FER: variants seen among roughly 807,000 people sequenced by gnomAD.
FER encodes the protein tyrosine-protein kinase Fer.
FER carries 63 observed loss-of-function variants against 111.0 expected under a neutral mutation model. That is an observed-to-expected ratio of 0.57 (90% CI 0.46 to 0.70). The LOEUF (loss-of-function observed/expected upper bound fraction) is 0.70. FER is among the 30% of genes least tolerant of loss of function. The pLI is 0.00. For synonymous variants in FER, 327 were observed against 313.9 expected, an observed-to-expected ratio of 1.04 and a Z score of -0.44; for missense variants, 914 against 954.0, an observed-to-expected ratio of 0.96 and a Z score of 0.55.
chr5:109,069,644 A>T (rs1275618860), intron 16 of FER, among the ~76,000 whole-genome samples: 1 of 152,142 alleles, frequency 6.6e-6, no homozygotes, highest in African/African-American at 2.4e-5. Context: ...CCAAGTGAGG[A>T]TAGGTTCTGG....
chr5:108,748,797 G>A (rs1244088068), intron 1 of FER, among the ~76,000 whole-genome samples: 2 of 152,248 alleles, frequency 1.3e-5, no homozygotes, highest in Non-Finnish European at 2.9e-5. Context: ...TGGAGGAGGG[G>A]GCTGAGGGCC....
intron 13 of FER, among the ~76,000 whole-genome samples, chr5:109,025,434 T>C (rs1055975108): frequency 6.6e-6 from 1 of 152,144 alleles, no homozygotes; most frequent in Non-Finnish European, 1.5e-5. Context: ...CTGTTGTTGG[T>C]GTATAAGAAT....
intron 10 of FER, among the ~76,000 whole-genome samples, chr5:108,904,445 T>C (rs1319863118): frequency 2.0e-5 from 3 of 151,932 alleles, no homozygotes; most frequent in African/African-American, 7.3e-5. Flanking sequence ...GAAGAGCAGA[T>C]GAAAGGAGGA....
chr5:108,793,114 T>G (rs941322124), intron 2 of FER, among the ~76,000 whole-genome samples: 2 of 152,216 alleles, frequency 1.3e-5, no homozygotes, highest in Non-Finnish European at 2.9e-5. Context: ...TAGGTCTTAT[T>G]CTGTATATAT....
intron 16 of FER, chr5:109,051,486 G>T (rs1486161108): frequency 6.2e-7 from 1 of 1,612,610 alleles, no homozygotes; most frequent in Non-Finnish European, 8.5e-7. Context: ...TAGAGATGGT[G>T]CTTCCCGCCT....
chr5:109,028,097 G>A (rs1356880008), intron 13 of FER, among the ~76,000 whole-genome samples: 3 of 152,066 alleles, frequency 2.0e-5, no homozygotes, highest in Non-Finnish European at 4.4e-5. Flanking sequence ...TATAGAGACC[G>A]AAGTTGAGTC....
At chr5:109,035,818 G>C (rs949381362) in intron 13 of FER, among the ~76,000 whole-genome samples, 1 of 152,164 alleles carries the variant, frequency 6.6e-6, no homozygotes, top group African/African-American at 2.4e-5. Context: ...ACAATCTCTT[G>C]ATTTGTTAAT....
chr5:108,900,279 A>C (rs55790655), intron 10 of FER, among the ~76,000 whole-genome samples: 3,371 of 152,328 alleles, frequency 0.022, 117 homozygotes, highest in African/African-American at 0.078. Context: ...AAAACTTAAG[A>C]ATACATCTAC....
chr5:108,959,387 G>T (rs1192378364), intron 13 of FER, 40 bp downstream of exon 13: 5 of 1,540,296 alleles, frequency 3.2e-6, no homozygotes, highest in Admixed American at 4.0e-5. Flanking sequence ...TGTTTTAAAA[G>T]AATTTTTGGT....
chr5:108,802,981 C>G (rs1012652359), intron 3 of FER, among the ~76,000 whole-genome samples: 1 of 152,094 alleles, frequency 6.6e-6, no homozygotes, highest in Non-Finnish European at 1.5e-5. Flanking sequence ...GTGTTCCCGT[C>G]TCTCCACAAC....
At chr5:109,138,170 C>G (rs1346391735) in intron 17 of FER, among the ~76,000 whole-genome samples, 2 of 152,174 alleles carry the variant, frequency 1.3e-5, no homozygotes, top group Non-Finnish European at 2.9e-5. Flanking sequence ...GAATTACTCT[C>G]TCCATTCAGC....
intron 13 of FER, among the ~76,000 whole-genome samples, chr5:109,035,447 G>A (rs930944427): frequency 2.0e-5 from 3 of 152,186 alleles, no homozygotes; most frequent in Non-Finnish European, 4.4e-5. Context: ...ATTTGCAAGT[G>A]CTCTGTTGTA....
At chr5:109,177,832 T>A (rs1278722906) in intron 17 of FER, among the ~76,000 whole-genome samples, 1 of 152,224 alleles carries the variant, frequency 6.6e-6, no homozygotes, top group Non-Finnish European at 1.5e-5. Context: ...GATATAGCTG[T>A]CTCTGATACC....
intron 17 of FER, among the ~76,000 whole-genome samples, chr5:109,159,046 T>C (rs986892658): frequency 6.6e-6 from 1 of 152,138 alleles, no homozygotes; most frequent in Non-Finnish European, 1.5e-5. Flanking sequence ...TTTAATCACA[T>C]TTTTTAAAAA....
chr5:108,977,709 A>G (rs1019361769), intron 13 of FER, among the ~76,000 whole-genome samples: 5 of 152,178 alleles, frequency 3.3e-5, no homozygotes, highest in Non-Finnish European at 2.9e-5. Flanking sequence ...TTCACATTTA[A>G]TAAGTCATGA....
intron 5 of FER, among the ~76,000 whole-genome samples, chr5:108,854,111 T>A (rs539803531): frequency 6.6e-6 from 1 of 152,338 alleles, no homozygotes; most frequent in East Asian, 1.9e-4. Context: ...TTGTTTCACC[T>A]AGGGGACATA....
At chr5:109,060,771 T>G (rs1387343407) in intron 16 of FER, among the ~76,000 whole-genome samples, 1 of 124,638 alleles carries the variant, frequency 8.0e-6, no homozygotes, top group East Asian at 2.0e-4. Flanking sequence ...TGTGTGTGTG[T>G]GTATATATAT....
chr5:108,812,719 T>C (rs1757892526), intron 3 of FER, among the ~76,000 whole-genome samples: 1 of 152,138 alleles, frequency 6.6e-6, no homozygotes, highest in Admixed American at 6.5e-5. Flanking sequence ...AATTATTGCC[T>C]ATAAATGTTT....
At chr5:108,993,592 A>AGAGGGG (rs1763572123) in intron 13 of FER, among the ~76,000 whole-genome samples, 1 of 125,120 alleles carries the variant, frequency 8.0e-6, no homozygotes. Context: ...AGGGAGAGGG[A>AGAGGGG]GAGGGCGAGG....
Sources: gnomAD v4.1 joint callset for allele counts (sites outside exome capture counted in the v4.1 genomes callset) on GRCh38, gnomAD v4.1.1 for gene constraint, MANE v1.5 for transcripts, NCBI Gene and HGNC (gene_info 2026-07-23, HGNC 2026-07-21) for gene names.